SPMIP4: variants seen among roughly 807,000 people sequenced by gnomAD.
The protein encoded by SPMIP4 is sperm-associated microtubule inner protein 4.
chr7:25,130,245 C>CA, the SPMIP4 span, among the ~76,000 whole-genome samples: 2 of 136,104 alleles, frequency 1.5e-5, no homozygotes, highest in South Asian at 2.2e-4. Flanking sequence ...CTCCGCATCT[C>CA]AAAAAAACAA....
the SPMIP4 span, among the ~76,000 whole-genome samples, chr7:25,172,575 A>C: frequency 6.6e-6 from 1 of 152,178 alleles, no homozygotes; most frequent in Non-Finnish European, 1.5e-5. The surrounding 1 kb of genome is among the most constrained non-coding windows in gnomAD (Gnocchi z 4.2). Context: ...GTCCTTAGAG[A>C]AAAATGAGGG....
chr7:25,179,292 C>T, the SPMIP4 span: 1 of 1,611,224 alleles, frequency 6.2e-7, no homozygotes, highest in Non-Finnish European at 8.5e-7. Flanking sequence ...GTAGGGCCTG[C>T]CGTGAATGAC....
chr7:25,157,702 C>T, the SPMIP4 span, among the ~76,000 whole-genome samples: 1 of 152,166 alleles, frequency 6.6e-6, no homozygotes, highest in Admixed American at 6.5e-5. Context: ...ACTGTCACAG[C>T]CAAGAGGAAC....
At chr7:25,174,121 T>C in the SPMIP4 span, among the ~76,000 whole-genome samples, 1 of 152,194 alleles carries the variant, frequency 6.6e-6, no homozygotes, top group Non-Finnish European at 1.5e-5. This position sits in a 1 kb window ranked among gnomAD's most constrained non-coding sequence, Gnocchi z 4.5. Context: ...AAAATGATAG[T>C]TATCTGCCAA....
At chr7:25,128,249 G>T in the SPMIP4 span, among the ~76,000 whole-genome samples, 1 of 152,192 alleles carries the variant, frequency 6.6e-6, no homozygotes, top group Non-Finnish European at 1.5e-5. This position sits in a 1 kb window ranked among gnomAD's most constrained non-coding sequence, Gnocchi z 4.5. Context: ...TCAGAAGCTG[G>T]TGAATTCAGC....
the SPMIP4 span, among the ~76,000 whole-genome samples, chr7:25,173,101 T>C: frequency 1.8e-4 from 26 of 147,748 alleles, no homozygotes; most frequent in East Asian, 1.6e-3. This position sits in a 1 kb window ranked among gnomAD's most constrained non-coding sequence, Gnocchi z 4.4. Context: ...GGTAGGTAGA[T>C]AGGGAGAGAG....
the SPMIP4 span, among the ~76,000 whole-genome samples, chr7:25,160,710 G>A: frequency 6.6e-6 from 1 of 152,122 alleles, no homozygotes; most frequent in Admixed American, 6.5e-5. Flanking sequence ...TTAAGTGACG[G>A]GTAAATTAAC....
the SPMIP4 span, among the ~76,000 whole-genome samples, chr7:25,170,465 C>A: frequency 6.6e-6 from 1 of 152,162 alleles, no homozygotes; most frequent in African/African-American, 2.4e-5. Flanking sequence ...GATATTTTCT[C>A]CTGTTCTGTG....
At chr7:25,145,215 C>T in the SPMIP4 span, among the ~76,000 whole-genome samples, 3 of 108,046 alleles carry the variant, frequency 2.8e-5, no homozygotes, top group Admixed American at 9.7e-5. Context: ...TTGCCTGCCT[C>T]GGCCTCCCAA....
At chr7:25,177,377 G>A in the SPMIP4 span, among the ~76,000 whole-genome samples, 1 of 151,418 alleles carries the variant, frequency 6.6e-6, no homozygotes, top group African/African-American at 2.4e-5. Context: ...CAGCTACTCA[G>A]GAGGCTGAGG....
chr7:25,131,107 A>G, the SPMIP4 span, among the ~76,000 whole-genome samples: 3 of 152,190 alleles, frequency 2.0e-5, no homozygotes, highest in Admixed American at 2.0e-4. This position sits in a 1 kb window ranked among gnomAD's most constrained non-coding sequence, Gnocchi z 4.2. Flanking sequence ...TGTCAGATCA[A>G]TGGTGGCATT....
chr7:25,142,574 G>A, the SPMIP4 span: 7 of 1,352,276 alleles, frequency 5.2e-6, no homozygotes, highest in Non-Finnish European at 7.2e-6. Context: ...TTGAAAGCTT[G>A]TCATAGCATT....
At chr7:25,173,363 A>C in the SPMIP4 span, among the ~76,000 whole-genome samples, 2 of 152,236 alleles carry the variant, frequency 1.3e-5, no homozygotes, top group African/African-American at 4.8e-5. This position sits in a 1 kb window ranked among gnomAD's most constrained non-coding sequence, Gnocchi z 4.4. Context: ...CCGTTTTTGT[A>C]AACAAAAGTC....
chr7:25,136,161 C>G, the SPMIP4 span: 1 of 1,614,152 alleles, frequency 6.2e-7, no homozygotes, highest in Non-Finnish European at 8.5e-7. The surrounding 1 kb of genome is among the most constrained non-coding windows in gnomAD (Gnocchi z 5.7). Flanking sequence ...CTCTAGGAAT[C>G]CAACCAAGAA....
chr7:25,147,322 G>T, the SPMIP4 span, among the ~76,000 whole-genome samples: 1 of 152,118 alleles, frequency 6.6e-6, no homozygotes, highest in Non-Finnish European at 1.5e-5. Flanking sequence ...ATTTATGTTT[G>T]CCAATTGGAA....
the SPMIP4 span, chr7:25,136,782 G>C: frequency 6.2e-7 from 1 of 1,607,220 alleles, no homozygotes; most frequent in East Asian, 2.2e-5. The surrounding 1 kb of genome is among the most constrained non-coding windows in gnomAD (Gnocchi z 5.7). Context: ...AGACAGGGTG[G>C]AATTTTTCTT....
chr7:25,145,339 A>G, the SPMIP4 span, among the ~76,000 whole-genome samples: 24 of 152,340 alleles, frequency 1.6e-4, no homozygotes, highest in Non-Finnish European at 2.8e-4. Context: ...AACTAACAAC[A>G]GAGATCTACT....
the SPMIP4 span, among the ~76,000 whole-genome samples, chr7:25,143,085 C>G: frequency 6.6e-6 from 1 of 152,006 alleles, no homozygotes; most frequent in African/African-American, 2.4e-5. Flanking sequence ...GAGAAATGTC[C>G]CTGAATATTC....
chr7:25,170,112 A>G, the SPMIP4 span, among the ~76,000 whole-genome samples: 21 of 152,232 alleles, frequency 1.4e-4, 1 homozygote, highest in African/African-American at 5.1e-4. Flanking sequence ...AGGAACTGCC[A>G]AACTGTTTTC....
Sources: allele counts gnomAD v4.1 joint callset (sites outside exome capture counted in the v4.1 genomes callset), GRCh38; gene constraint gnomAD v4.1.1; non-coding constraint Gnocchi (gnomAD v3.1); transcripts MANE v1.5; gene names NCBI Gene and HGNC (gene_info 2026-07-23, HGNC 2026-07-21).